LY6L: variants seen among roughly 807,000 people sequenced by gnomAD.
LY6L encodes lymphocyte antigen 6L.
In LY6L, 8 loss-of-function variants were observed where a neutral mutation model predicts 8.3. The observed-to-expected ratio is 0.97, with a 90% CI of 0.57 to 1.74. The LOEUF (loss-of-function observed/expected upper bound fraction) is 1.74, where lower values mean the gene tolerates loss of function less well. Among genes scored for constraint, LY6L ranks in the 40% most tolerant of loss-of-function variants. LY6L has a pLI of 0.00. For missense variants in LY6L, 156 were observed against 183.8 expected (o/e 0.85, Z 0.87); for synonymous variants, 79 against 77.9 (o/e 1.01, Z -0.07).
intron 3 of LY6L, among the ~76,000 whole-genome samples, chr8:143,081,872 G>A (rs1428145722): frequency 6.6e-6 from 1 of 152,200 alleles, no homozygotes; most frequent in Non-Finnish European, 1.5e-5. Context: ...ACACATAAGG[G>A]CGATTGATTC....
At chr8:143,081,444 C>T in intron 3 of LY6L, 117 bp downstream of exon 3, 1 of 609,608 alleles carries the variant, frequency 1.6e-6, no homozygotes. Context: ...CCCTGTGGGT[C>T]CGAAAGTGCC....
intron 3 of LY6L, among the ~76,000 whole-genome samples, 165 bp downstream of exon 3, chr8:143,081,492 C>A (rs545786208): frequency 6.6e-6 from 1 of 152,328 alleles, no homozygotes; most frequent in South Asian, 2.1e-4. Flanking sequence ...GGGCGAGCAT[C>A]CCAGAGTGTG....
intron 3 of LY6L, among the ~76,000 whole-genome samples, 159 bp downstream of exon 3, chr8:143,081,486 G>A (rs74842503): frequency 0.013 from 1,913 of 152,336 alleles, 18 homozygotes; most frequent in Non-Finnish European, 0.018. Context: ...GGGCTCGGGC[G>A]AGCATCCCAG....
intron 3 of LY6L, among the ~76,000 whole-genome samples, chr8:143,082,047 C>T (rs1404383515): frequency 6.6e-6 from 1 of 152,194 alleles, no homozygotes; most frequent in African/African-American, 2.4e-5. Context: ...GCAGGTTCTC[C>T]GTGATGGGCA....
Position 143,082,493 on chromosome 8 carries a change from G to C in LY6L, c.259G>C (p.Glu87Gln), listed in dbSNP as rs186003519. ...PRCPNDNMKF[E>Q]WSPAPMVQGV... is the part of the protein sequence containing the mutation. ...ATGTCCCAACGACAACATGAAGTTC[G>C]AATGGTCGCCGGCCCCCATGGTGCA... Residue 87 changes from glutamate to glutamine, a missense_variant, in exon 4 of 4, where the codon GAA becomes CAA. Transcript: ENST00000562505. The C allele has an allele frequency of 2.0e-6, 3 of 1,535,464 alleles. No homozygotes were observed. Among genetic ancestry groups the C allele is most frequent in the South Asian group, 1.2e-5 (1 of 84,044 alleles).
chr8:143,082,489 G>A lies in LY6L; in HGVS notation c.255G>A (p.Lys85=), dbSNP rs1213687007. 2.0e-6 allele frequency: 3 copies of A among 1,535,504 alleles called. No homozygotes were observed. Among genetic ancestry groups the A allele is most frequent in the African/African-American group, 1.4e-5 (1 of 73,172 alleles). Reference sequence around the variant, plus strand: ...CCAGATGTCCCAACGACAACATGAAGTTCGAATGGTCGCCGGCCCCCATGG... The same window carrying A: ...CCAGATGTCCCAACGACAACATGAAATTCGAATGGTCGCCGGCCCCCATGG... ...CAPRCPNDNM[K]FEWSPAPMVQ... Residue 85 remains lysine, a synonymous_variant, in exon 4 of 4, where the codon AAG becomes AAA. Transcript: ENST00000562505.
chr8:143,083,386 C>G lies in LY6L; in HGVS notation c.*735C>G, dbSNP rs1339652056. 1.3e-5 allele frequency among the ~76,000 whole-genome samples: 2 copies of G among 152,142 alleles called. No homozygotes were observed. The highest frequency in any genetic ancestry group is 4.8e-5 in the African/African-American group (2 of 41,416). Reference sequence around the variant, plus strand: ...GCCTTCCCATTTCCAGCCCCCTCTGCCCAAGGGAAACCCAGGAAGGATAAC... The same window carrying G: ...GCCTTCCCATTTCCAGCCCCCTCTGGCCAAGGGAAACCCAGGAAGGATAAC... On this transcript the variant is annotated 3_prime_UTR_variant, in exon 4 of 4. Transcript: ENST00000562505.
intron 1 of LY6L, 150 bp from the exon 2 acceptor site, chr8:143,080,886 G>A: frequency 1.7e-6 from 1 of 587,796 alleles, no homozygotes; most frequent in East Asian, 3.0e-5. Context: ...TGGAGGTGGG[G>A]GACGTCCTGG....
chr8:143,082,372 G>A (rs1820445905), intron 3 of LY6L, 53 bp from the exon 4 acceptor site: 1 of 1,312,254 alleles, frequency 7.6e-7, no homozygotes, highest in Non-Finnish European at 1.1e-6. Context: ...GCATAACTGT[G>A]GATACCTCCT....
At chr8:143,082,403 C>A (rs1249864237) in intron 3 of LY6L, 22 bp from the exon 4 acceptor site, 1 of 1,510,112 alleles carries the variant, frequency 6.6e-7, no homozygotes, top group South Asian at 1.2e-5. Flanking sequence ...CTGGGGCCAC[C>A]TGCCTCTCCT....
At position 143,082,463 on chromosome 8, in the gene LY6L, C is replaced by A; in HGVS notation, c.229C>A (p.Pro77Thr). 2.0e-6 allele frequency: 3 copies of A among 1,535,454 alleles called. No homozygotes were observed. Among genetic ancestry groups the A allele is most frequent in the Non-Finnish European group, 2.6e-6 (3 of 1,146,692 alleles). ...VRVLLSKRCA[P>T]RCPNDNMKFE... Reference sequence around the variant, plus strand: ...CGTCCTGCTCAGCAAACGCTGTGCTCCCAGATGTCCCAACGACAACATGAA... The same window carrying A: ...CGTCCTGCTCAGCAAACGCTGTGCTACCAGATGTCCCAACGACAACATGAA... Residue 77 changes from proline (P) to threonine (T), a missense_variant, in exon 4 of 4, where the codon CCC becomes ACC. Transcript: ENST00000562505.
chr8:143,081,069 C>A lies in LY6L; in HGVS notation c.16C>A (p.Leu6Ile). 1 of 1,535,030 alleles carries A rather than the reference C, an allele frequency of 6.5e-7. No homozygotes were observed. MERLV[L>I]TLCTLPLAVA... ...TTCTGGCGTCATGGAGAGGCTCGTC[C>A]TAACCCTGTGCACCCTCCCGCTGGC... Residue 6 changes from leucine to isoleucine, a missense_variant, in exon 2 of 4, where the codon CTA becomes ATA. By Grantham distance (5) the Leu-to-Ile change is conservative (BLOSUM62 2). Transcript: ENST00000562505.
At position 143,083,336 on chromosome 8, in the gene LY6L, C is replaced by T. The variant is rs1157143266; in HGVS notation, c.*685C>T. Among the ~76,000 whole-genome samples, 4 of 152,116 alleles carry T rather than the reference C, an allele frequency of 2.6e-5. No individual in the cohort carries two copies. The highest frequency in any genetic ancestry group is 4.4e-5 in the Non-Finnish European group (3 of 68,018). On this transcript the variant is annotated 3_prime_UTR_variant, in exon 4 of 4. Coordinates refer to ENST00000562505, the MANE Select transcript of LY6L (RefSeq NM_001368160.2). Reference sequence around the variant, plus strand: ...TTCGAGGGGCAGAAGAACCTGGGTGCGGCCACAGCTGGGGCTCCCACTCTG... The same window carrying T: ...TTCGAGGGGCAGAAGAACCTGGGTGTGGCCACAGCTGGGGCTCCCACTCTG...
At chr8:143,080,941 G>T in intron 1 of LY6L, 95 bp from the exon 2 acceptor site, 1 of 881,412 alleles carries the variant, frequency 1.1e-6, no homozygotes, top group Non-Finnish European at 1.7e-6. Flanking sequence ...TGGGATGGGG[G>T]GTGCGCCCTG....
chr8:143,081,604 G>T (rs1385468323), intron 3 of LY6L, among the ~76,000 whole-genome samples: 5 of 152,248 alleles, frequency 3.3e-5, no homozygotes, highest in South Asian at 2.1e-4. Context: ...GGAACACACG[G>T]GTGGGGATGG....
At chr8:143,082,033 C>G (rs563795717) in intron 3 of LY6L, among the ~76,000 whole-genome samples, 1 of 152,192 alleles carries the variant, frequency 6.6e-6, no homozygotes, top group Non-Finnish European at 1.5e-5. Context: ...GGGCACCCAG[C>G]CCAGCAGGTT....
chr8:143,082,208 G>A (rs986323822), intron 3 of LY6L, among the ~76,000 whole-genome samples: 1 of 152,246 alleles, frequency 6.6e-6, no homozygotes, highest in Non-Finnish European at 1.5e-5. Flanking sequence ...GCGGGCGGAG[G>A]TGGCCTGGGC....
At chr8:143,081,936 G>A (rs1820437423) in intron 3 of LY6L, among the ~76,000 whole-genome samples, 1 of 152,148 alleles carries the variant, frequency 6.6e-6, no homozygotes, top group African/African-American at 2.4e-5. Flanking sequence ...ATCTCTTCAG[G>A]GGTTCCATGG....
chr8:143,080,912 G>C, intron 1 of LY6L, 124 bp from the exon 2 acceptor site: 1 of 678,118 alleles, frequency 1.5e-6, no homozygotes, highest in Admixed American at 3.0e-5. Flanking sequence ...GCCGCGTCCG[G>C]GAGCGCAGGA....
Sources: allele counts gnomAD v4.1 joint callset (sites outside exome capture counted in the v4.1 genomes callset), GRCh38; gene constraint gnomAD v4.1.1; transcripts MANE v1.5; gene names NCBI Gene and HGNC (gene_info 2026-07-23, HGNC 2026-07-21).